Variants in DPP6 observed in about 807,000 individuals in gnomAD.
DPP6 encodes dipeptidyl peptidase like 6.
DPP6 carries 69 observed loss-of-function variants against 122.6 expected under a neutral mutation model. The ratio of observed to expected loss-of-function variants is 0.56; its 90% CI spans 0.46 to 0.69. DPP6 has a LOEUF of 0.69. Ranked by LOEUF, DPP6 falls within the 30% of genes least tolerant of loss-of-function variation. The pLI is 0.00. For synonymous variants in DPP6, 418 were observed against 433.1 expected, an observed-to-expected ratio of 0.97 and a Z score of 0.43; for missense variants, 928 against 1,116.9, an observed-to-expected ratio of 0.83 and a Z score of 2.41.
intron 1 of DPP6, among the ~76,000 whole-genome samples, chr7:154,253,391 A>G (rs1471178798): frequency 6.6e-6 from 1 of 152,222 alleles, no homozygotes; most frequent in African/African-American, 2.4e-5. Context: ...TGCAGGGGAA[A>G]GCCTGTCAAG....
chr7:154,784,837 A>C (rs1797244385), intron 10 of DPP6, among the ~76,000 whole-genome samples: 1 of 152,184 alleles, frequency 6.6e-6, no homozygotes, highest in Admixed American at 6.5e-5. Flanking sequence ...ATGAAGACTT[A>C]ATCATTCCCA....
chr7:154,155,908 C>A (rs916216033), intron 1 of DPP6, among the ~76,000 whole-genome samples: 1 of 152,196 alleles, frequency 6.6e-6, no homozygotes, highest in African/African-American at 2.4e-5. Context: ...TTATTGTGTA[C>A]TCCCAATGGT....
chr7:154,734,697 G>A (rs1268445631), intron 8 of DPP6, among the ~76,000 whole-genome samples: 1 of 152,184 alleles, frequency 6.6e-6, no homozygotes, highest in Non-Finnish European at 1.5e-5. Flanking sequence ...GCTTGACAAA[G>A]CTCCTTTGTG....
intron 1 of DPP6, among the ~76,000 whole-genome samples, chr7:153,943,961 C>G (rs1178543571): frequency 6.6e-6 from 1 of 152,190 alleles, no homozygotes; most frequent in Non-Finnish European, 1.5e-5. Flanking sequence ...GCAGGGTTCA[C>G]TCTTTCCTTC....
chr7:154,611,594 CT>C (rs1232081605), intron 5 of DPP6, among the ~76,000 whole-genome samples: 1 of 151,576 alleles, frequency 6.6e-6, no homozygotes, highest in East Asian at 1.9e-4. Context: ...AGAAGATATC[CT>C]TGTTTCTAAC....
At chr7:153,935,569 C>CATG in intron 1 of DPP6, among the ~76,000 whole-genome samples, 1 of 152,210 alleles carries the variant, frequency 6.6e-6, no homozygotes, top group East Asian at 1.9e-4. Context: ...CAGCACAGTG[C>CATG]ATGGTACATA....
intron 1 of DPP6, among the ~76,000 whole-genome samples, chr7:154,334,218 C>T (rs140317515): frequency 6.6e-6 from 1 of 151,060 alleles, no homozygotes; most frequent in African/African-American, 2.4e-5. Context: ...TGCAAAGATT[C>T]TCTTTTGAGT....
intron 2 of DPP6, among the ~76,000 whole-genome samples, chr7:154,463,809 G>T (rs1045439369): frequency 6.6e-6 from 1 of 152,118 alleles, no homozygotes; most frequent in African/African-American, 2.4e-5. Context: ...ATTCTACTGT[G>T]GCTGAGCTGG....
chr7:154,278,250 G>A (rs947087127), intron 1 of DPP6, among the ~76,000 whole-genome samples: 2 of 152,168 alleles, frequency 1.3e-5, no homozygotes, highest in Admixed American at 1.3e-4. Context: ...CATGGCCAGC[G>A]ACCAACTTGC....
the DPP6 span, among the ~76,000 whole-genome samples, chr7:153,831,690 T>A: frequency 6.6e-6 from 1 of 152,216 alleles, no homozygotes; most frequent in African/African-American, 2.4e-5. Flanking sequence ...AATAATGTTT[T>A]TTTAATTTTG....
chr7:154,756,700 G>C (rs1352582372), intron 8 of DPP6, among the ~76,000 whole-genome samples: 2 of 152,112 alleles, frequency 1.3e-5, no homozygotes, highest in Non-Finnish European at 2.9e-5. Context: ...TCCCCATCCA[G>C]GAAGCCTGCT....
chr7:154,282,435 G>T lies in DPP6; in HGVS notation c.244-163779G>T, dbSNP rs990170905. Among the ~76,000 whole-genome samples the T allele has an allele frequency of 2.0e-5, 3 of 152,194 alleles. No homozygotes were observed. Among genetic ancestry groups the T allele is most frequent in the African/African-American group, 7.2e-5 (3 of 41,452 alleles). On this transcript the variant is annotated intron_variant, in intron 1 of 25. Transcript: ENST00000377770. This position sits in a 1 kb window ranked among gnomAD's most constrained non-coding sequence, Gnocchi z 4.8. ...GCTGATTAGCACTGTGCAATGTACT[G>T]ATTGGTACTGTGTAATTTTTAGGAC...
At chr7:154,467,052 T>G (rs1210415918) in intron 2 of DPP6, among the ~76,000 whole-genome samples, 1 of 152,196 alleles carries the variant, frequency 6.6e-6, no homozygotes, top group African/African-American at 2.4e-5. Flanking sequence ...ATGACAGTTA[T>G]AGACATTCTT....
chr7:154,062,929 T>C (rs1435388057), intron 1 of DPP6, among the ~76,000 whole-genome samples: 3 of 132,776 alleles, frequency 2.3e-5, no homozygotes, highest in Admixed American at 7.8e-5. Flanking sequence ...CTGTGGGTGT[T>C]AGTTGTCCAG....
intron 1 of DPP6, among the ~76,000 whole-genome samples, chr7:154,147,278 T>G (rs148553881): frequency 6.6e-6 from 1 of 152,136 alleles, no homozygotes; most frequent in African/African-American, 2.4e-5. Flanking sequence ...ACTTCCTTCC[T>G]GCCCAGTTCT....
At chr7:154,743,213 TTAGA>T (rs1842893925) in intron 8 of DPP6, among the ~76,000 whole-genome samples, 1 of 152,154 alleles carries the variant, frequency 6.6e-6, no homozygotes, top group African/African-American at 2.4e-5. Flanking sequence ...TGCTGGGCCT[TTAGA>T]TAGAGTACTT....
the DPP6 span, among the ~76,000 whole-genome samples, chr7:153,867,845 G>A: frequency 8.5e-5 from 13 of 152,098 alleles, no homozygotes; most frequent in Admixed American, 6.6e-4. Context: ...AATTTATTGC[G>A]AATTTTTAGC....
chr7:154,208,264 G>A (rs1799556978), intron 1 of DPP6, among the ~76,000 whole-genome samples: 1 of 152,184 alleles, frequency 6.6e-6, no homozygotes, highest in Admixed American at 6.5e-5. Context: ...ATCCAGAAAT[G>A]GAGGCTGCAA....
At chr7:154,132,167 A>G (rs1795316789) in intron 1 of DPP6, among the ~76,000 whole-genome samples, 1 of 152,098 alleles carries the variant, frequency 6.6e-6, no homozygotes, top group African/African-American at 2.4e-5. Flanking sequence ...GTGAACTCAA[A>G]TCTTCATCAG....
Sources: gnomAD v4.1 joint callset for allele counts (sites outside exome capture counted in the v4.1 genomes callset) on GRCh38, gnomAD v4.1.1 for gene constraint, Gnocchi (gnomAD v3.1) non-coding constraint, MANE v1.5 for transcripts, NCBI Gene and HGNC (gene_info 2026-07-23, HGNC 2026-07-21) for gene names.